The following DPYD variants were observed in gnomAD, a reference collection of about 807,000 sequenced individuals.
DPYD encodes the protein dihydropyrimidine dehydrogenase, also known as dihydropyrimidine dehydrogenase [NADP(+)].
Under a neutral mutation model 116.2 loss-of-function variants are expected in DPYD, and 109 were observed. The ratio of observed to expected loss-of-function variants is 0.94; its 90% CI spans 0.80 to 1.10. The LOEUF (loss-of-function observed/expected upper bound fraction) is 1.10, where lower values mean the gene tolerates loss of function less well. Ranked by LOEUF, DPYD falls within the 50% of genes least tolerant of loss-of-function variation. The pLI, the probability that DPYD is intolerant of heterozygous loss-of-function variation, is 0.00. For synonymous variants in DPYD, 440 were observed against 432.0 expected (o/e 1.02, Z -0.23); for missense variants, 1,302 against 1,254.5 (o/e 1.04, Z -0.57).
intron 18 of DPYD, among the ~76,000 whole-genome samples, chr1:97,261,347 A>T (rs147721428): frequency 6.6e-6 from 1 of 152,052 alleles, no homozygotes; most frequent in African/African-American, 2.4e-5. Flanking sequence ...TTTATTGTAA[A>T]TATATGTATC....
chr1:97,513,646 A>C (rs966774374), intron 13 of DPYD, among the ~76,000 whole-genome samples: 1 of 151,838 alleles, frequency 6.6e-6, no homozygotes, highest in East Asian at 1.9e-4. Context: ...AATGTCACCG[A>C]AATGTATAGT....
intron 16 of DPYD, among the ~76,000 whole-genome samples, chr1:97,339,252 T>A (rs1370908131): frequency 1.3e-5 from 2 of 152,090 alleles, no homozygotes; most frequent in African/African-American, 4.8e-5. Context: ...ATAGAAGTCA[T>A]AATCATGGAA....
chr1:97,737,238 A>G (rs368656598), intron 4 of DPYD, among the ~76,000 whole-genome samples: 1 of 152,256 alleles, frequency 6.6e-6, no homozygotes, highest in East Asian at 1.9e-4. Flanking sequence ...TAGATAAGTC[A>G]ATACTCTTTA....
chr1:97,147,547 G>T (rs1031135331), intron 20 of DPYD, among the ~76,000 whole-genome samples: 2 of 152,160 alleles, frequency 1.3e-5, no homozygotes, highest in African/African-American at 4.8e-5. Flanking sequence ...TCTGGAGAAG[G>T]AGAAGCTGGG....
At chr1:97,574,769 T>C (rs1186340233) in intron 10 of DPYD, among the ~76,000 whole-genome samples, 3 of 152,192 alleles carry the variant, frequency 2.0e-5, no homozygotes, top group Non-Finnish European at 2.9e-5. Context: ...AAGTACTATG[T>C]TGAATGTTCT....
chr1:97,908,221 T>C (rs1481273356), intron 1 of DPYD, among the ~76,000 whole-genome samples: 2 of 152,006 alleles, frequency 1.3e-5, no homozygotes, highest in Admixed American at 1.3e-4. Context: ...AATTTTGGTA[T>C]GTGTTGTAGA....
intron 1 of DPYD, among the ~76,000 whole-genome samples, chr1:97,919,384 A>T (rs1001930287): frequency 1.3e-5 from 2 of 152,226 alleles, no homozygotes; most frequent in African/African-American, 4.8e-5. Context: ...CTTGGCATTC[A>T]ATGTTTCACT....
chr1:97,621,622 G>A (rs1222011011), intron 8 of DPYD, among the ~76,000 whole-genome samples: 1 of 152,008 alleles, frequency 6.6e-6, no homozygotes, highest in Non-Finnish European at 1.5e-5. Flanking sequence ...TCAGCTGGGA[G>A]GGCCTAACAA....
chr1:97,278,101 T>C (rs1665071922), intron 18 of DPYD, among the ~76,000 whole-genome samples: 1 of 152,238 alleles, frequency 6.6e-6, no homozygotes, highest in South Asian at 2.1e-4. Context: ...ATTCATCTCA[T>C]GACTCAGTCT....
chr1:97,112,408 G>GA (rs1651664890), intron 20 of DPYD, among the ~76,000 whole-genome samples: 1 of 152,108 alleles, frequency 6.6e-6, no homozygotes, highest in Non-Finnish European at 1.5e-5. Flanking sequence ...TTAAGAAAAT[G>GA]AAGATTTGAT....
At chr1:97,261,503 TTTTTTTTTTTTTTA>T (rs1663873737) in intron 18 of DPYD, among the ~76,000 whole-genome samples, 1 of 83,444 alleles carries the variant, frequency 1.2e-5, no homozygotes, top group African/African-American at 5.0e-5. Flanking sequence ...CTTTTTTTTT[TTTTTTTTTTTTTTA>T]AAAAAGAACG....
chr1:97,558,010 G>GA (rs1441010529), intron 11 of DPYD, among the ~76,000 whole-genome samples: 1 of 152,146 alleles, frequency 6.6e-6, no homozygotes, highest in African/African-American at 2.4e-5. Flanking sequence ...GGGGGCAAGA[G>GA]AAAGCCAGAA....
chr1:97,638,639 C>G lies in DPYD; in HGVS notation c.850+40456G>C, dbSNP rs1368462528. 2.0e-5 allele frequency among the ~76,000 whole-genome samples: 3 copies of G among 152,130 alleles called. No individual in the cohort carries two copies. In the East Asian group the frequency reaches 5.8e-4, roughly 29 times the overall value. On this transcript the variant is annotated intron_variant, in intron 8 of 22. Coordinates refer to ENST00000370192, the MANE Select transcript of DPYD (RefSeq NM_000110.4). ...AAAGAAGTTTATTTGCCAATGCAGG[C>G]TGTACTAACATGGCACTCATATCTG...
intron 14 of DPYD, among the ~76,000 whole-genome samples, chr1:97,408,841 T>C (rs927623382): frequency 3.3e-5 from 5 of 152,178 alleles, no homozygotes. Flanking sequence ...TTCAGTCTCA[T>C]GCTGGACACT....
chr1:97,686,050 T>C (rs1034399476), intron 7 of DPYD, among the ~76,000 whole-genome samples: 2 of 152,026 alleles, frequency 1.3e-5, no homozygotes, highest in Non-Finnish European at 2.9e-5. Flanking sequence ...AGAACAAAAC[T>C]GGAGGCATCA....
chr1:97,337,092 G>T (rs2101197994), intron 16 of DPYD, among the ~76,000 whole-genome samples: 1 of 152,190 alleles, frequency 6.6e-6, no homozygotes, highest in South Asian at 2.1e-4. Flanking sequence ...CAGAAAGGAA[G>T]GAATGATGAA....
chr1:97,512,296 A>G (rs1337823844), intron 13 of DPYD, among the ~76,000 whole-genome samples: 1 of 151,916 alleles, frequency 6.6e-6, no homozygotes, highest in Non-Finnish European at 1.5e-5. Flanking sequence ...AGAGAGACCT[A>G]TTACATGGAT....
intron 19 of DPYD, among the ~76,000 whole-genome samples, chr1:97,201,757 A>G (rs1185442074): frequency 6.6e-6 from 1 of 152,136 alleles, no homozygotes; most frequent in Non-Finnish European, 1.5e-5. Context: ...GTAACGGACT[A>G]CGTGAAGAAA....
intron 8 of DPYD, among the ~76,000 whole-genome samples, chr1:97,639,421 T>C (rs898054127): frequency 6.6e-6 from 1 of 152,162 alleles, no homozygotes; most frequent in Non-Finnish European, 1.5e-5. Context: ...TTGTACTCTA[T>C]TCACTATTAA....
Sources: gnomAD v4.1 joint callset for allele counts (sites outside exome capture counted in the v4.1 genomes callset) on GRCh38, gnomAD v4.1.1 for gene constraint, MANE v1.5 for transcripts, NCBI Gene and HGNC (gene_info 2026-07-23, HGNC 2026-07-21) for gene names.